Variants in RP1 observed in about 807,000 individuals in gnomAD.
RP1 encodes the protein oxygen-regulated protein 1.
Under a neutral mutation model 14.8 loss-of-function variants are expected in RP1, and 16 were observed. That is an observed-to-expected ratio of 1.08 (90% CI 0.73 to 1.65). RP1 has a LOEUF of 1.65. RP1 is among the 40% of genes most tolerant of loss of function. RP1 has a pLI of 0.00. For missense variants in RP1, 2,631 were observed against 2,535.0 expected (o/e 1.04, Z -0.81); for synonymous variants, 876 against 883.6 (o/e 0.99, Z 0.15).
intron 24 of RP1, among the ~76,000 whole-genome samples, chr8:54,827,846 T>C (rs7833698): frequency 0.6 from 90,345 of 151,624 alleles, 27,843 homozygotes; most frequent in Non-Finnish European, 0.69. Flanking sequence ...AGCAGTAAGC[T>C]GAGATCACAC....
chr8:54,864,388 C>T (rs769051201), intron 27 of RP1, among the ~76,000 whole-genome samples: 12 of 152,098 alleles, frequency 7.9e-5, no homozygotes, highest in Non-Finnish European at 1.6e-4. Flanking sequence ...AAAAAGAAGG[C>T]AAACACCAAA....
intron 24 of RP1, among the ~76,000 whole-genome samples, chr8:54,790,058 A>T (rs1298889473): frequency 6.6e-6 from 1 of 152,134 alleles, no homozygotes; most frequent in Non-Finnish European, 1.5e-5. Flanking sequence ...AAGCAGCAGC[A>T]CTTCTTGGCC....
Position 54,758,927 on chromosome 8 carries a change from TA to T in RP1, c.3102del (p.Lys1034AsnfsTer4), listed in dbSNP as rs1334598056. On this transcript the variant is annotated frameshift_variant, in exon 22 of 23. Transcript: ENST00000636932. LOFTEE classifies it high-confidence loss of function. ...TTCTCTGTCTCCTGCACCAGATTGATAAATTTCAAGTAGCAGCAGTGTCGCT... is the reference window on the plus strand; with the variant it reads ...TTCTCTGTCTCCTGCACCAGATTGATAATTTCAAGTAGCAGCAGTGTCGCT... The T allele has an allele frequency of 6.5e-7, 1 of 1,535,634 alleles. No individual in the cohort carries two copies. Among genetic ancestry groups the T allele is most frequent in the Non-Finnish European group, 8.7e-7 (1 of 1,146,784 alleles).
chr8:54,815,843 G>A (rs975154992), intron 24 of RP1, among the ~76,000 whole-genome samples: 3 of 152,208 alleles, frequency 2.0e-5, no homozygotes, highest in African/African-American at 7.2e-5. Context: ...TGGCTCAGCT[G>A]TAGTAATTAT....
intron 19 of RP1, among the ~76,000 whole-genome samples, chr8:54,743,219 C>T (rs888126718): frequency 6.6e-6 from 1 of 152,162 alleles, no homozygotes; most frequent in Non-Finnish European, 1.5e-5. Context: ...CTTTACCATT[C>T]CCTGTTAAAA....
chr8:54,663,317 G>C (rs907886352), intron 6 of RP1, among the ~76,000 whole-genome samples: 3 of 152,074 alleles, frequency 2.0e-5, no homozygotes, highest in African/African-American at 4.8e-5. Flanking sequence ...AAGAGAAGCC[G>C]TAAAGTACTT....
intron 1 of RP1, among the ~76,000 whole-genome samples, chr8:54,565,271 A>C (rs1034810160): frequency 6.6e-6 from 1 of 152,204 alleles, no homozygotes; most frequent in African/African-American, 2.4e-5. Flanking sequence ...CAAGTAGCAA[A>C]ACCTTAGCTG....
At chr8:54,734,579 T>C in exon 18 of RP1, 7 of 1,535,544 alleles carry the variant, frequency 4.6e-6, no homozygotes, top group Non-Finnish European at 6.1e-6. Context: ...GTGAGACTCT[T>C]CTGTCAGAAG....
chr8:54,762,805 C>T (rs1302273112), intron 22 of RP1, among the ~76,000 whole-genome samples: 10 of 152,176 alleles, frequency 6.6e-5, no homozygotes, highest in Non-Finnish European at 1.5e-4. Context: ...CCTTCCTCGC[C>T]CTTCCCACTT....
intron 16 of RP1, among the ~76,000 whole-genome samples, chr8:54,725,305 G>A (rs1231884254): frequency 2.0e-5 from 3 of 151,858 alleles, no homozygotes; most frequent in African/African-American, 7.3e-5. Flanking sequence ...ATGTTTTAAA[G>A]TTCCTTTATT....
At chr8:54,700,120 A>T (rs1807977062) in intron 13 of RP1, among the ~76,000 whole-genome samples, 1 of 152,134 alleles carries the variant, frequency 6.6e-6, no homozygotes, top group Non-Finnish European at 1.5e-5. Context: ...GCACAGAGTC[A>T]CAAGCTAGTA....
intron 17 of RP1, among the ~76,000 whole-genome samples, chr8:54,732,978 G>C (rs947317135): frequency 2.6e-5 from 4 of 152,042 alleles, no homozygotes; most frequent in African/African-American, 9.7e-5. Context: ...GCTTAATAGG[G>C]GACAGCACCT....
intron 12 of RP1, among the ~76,000 whole-genome samples, chr8:54,686,541 C>T (rs1335575584): frequency 6.6e-6 from 1 of 152,134 alleles, no homozygotes. Context: ...AAAGCAGACA[C>T]ACAGCATGAG....
rs1299677603 is a variant in RP1, at chr8:54,625,774, C to A, written c.1892C>A (p.Ala631Asp). 6.2e-7 allele frequency: 1 copy of A among 1,613,488 alleles called. No homozygotes were observed. Among genetic ancestry groups the A allele is most frequent in the African/African-American group, 1.3e-5 (1 of 74,924 alleles). ...GTDKNISEAP[A>D]SEASSTVTAR... is the part of the protein sequence containing the mutation. Reference sequence around the variant, plus strand: ...GACAAAAATATTTCTGAGGCTCCAGCTTCAGAAGCATCCTCTACTGTCACT... The same window carrying A: ...GACAAAAATATTTCTGAGGCTCCAGATTCAGAAGCATCCTCTACTGTCACT... The change falls in exon 4 of 4, where the codon GCT (alanine) becomes GAT (aspartate). Residue 631 changes from alanine to aspartate, a missense_variant. Physicochemically the swap from Ala to Asp is moderately radical, Grantham distance 126 (BLOSUM62 -2). Transcript: ENST00000220676.
chr8:54,634,510 G>C (rs1263961292), downstream of RP1, among the ~76,000 whole-genome samples: 1 of 152,106 alleles, frequency 6.6e-6, no homozygotes, highest in African/African-American at 2.4e-5. Context: ...AAGAGGGCTT[G>C]ATAAGGCACT....
rs77929910 is a variant in RP1 at position 54,569,540 on chromosome 8, T to C, written c.-13+10220T>C. 5.3e-4 allele frequency among the ~76,000 whole-genome samples: 80 copies of C among 152,272 alleles called. No homozygotes were observed. The East Asian group carries it at 0.013, about 25-fold the overall frequency. Reference sequence around the variant, plus strand: ...ATATTATACATTATTCTCTTTGAGGTTGGTTAATGTGAGTCTGCCACCCAA... The same window carrying C: ...ATATTATACATTATTCTCTTTGAGGCTGGTTAATGTGAGTCTGCCACCCAA... On this transcript the variant is annotated intron_variant, in intron 1 of 22. Coordinates refer to the RP1 transcript ENST00000636932.
chr8:54,696,361 C>G, intron 12 of RP1: 1 of 554,842 alleles, frequency 1.8e-6, no homozygotes, highest in Non-Finnish European at 3.2e-6. Flanking sequence ...AGGATTGGTT[C>G]ATTTTAGAAA....
At chr8:54,682,620 T>G (rs1045877892) in intron 12 of RP1, among the ~76,000 whole-genome samples, 1 of 152,116 alleles carries the variant, frequency 6.6e-6, no homozygotes, top group African/African-American at 2.4e-5. Flanking sequence ...TTGATTTACA[T>G]TTCTTTAATT....
intron 22 of RP1, among the ~76,000 whole-genome samples, chr8:54,768,886 A>G (rs1474531561): frequency 6.7e-6 from 1 of 150,042 alleles, no homozygotes. Context: ...CACCAACTTT[A>G]TGGTTATATT....
Sources: gnomAD v4.1 joint callset for allele counts (sites outside exome capture counted in the v4.1 genomes callset) on GRCh38, gnomAD v4.1.1 for gene constraint, MANE v1.5 for transcripts, NCBI Gene and HGNC (gene_info 2026-07-23, HGNC 2026-07-21) for gene names.